The following ATF6 variants were observed in gnomAD, a reference collection of about 807,000 sequenced individuals.
The protein encoded by ATF6 is activating transcription factor 6.
A neutral mutation model predicts 83.6 loss-of-function variants in ATF6; 53 were observed. The ratio of observed to expected loss-of-function variants is 0.63; its 90% CI spans 0.51 to 0.80. The LOEUF is 0.80. Ranked by LOEUF, ATF6 falls within the 30% of genes least tolerant of loss-of-function variation. The pLI is 0.00. For synonymous variants in ATF6, 288 were observed against 285.8 expected (o/e 1.01, Z -0.08); for missense variants, 744 against 797.9 (o/e 0.93, Z 0.81).
rs1455891762 is a variant in ATF6, at chr1:161,963,834, T to A, written c.*5180T>A. On this transcript the variant is annotated 3_prime_UTR_variant, in exon 16 of 16. Transcript: ENST00000367942. Reference sequence around the variant, plus strand: ...GCTTCATCCATGGAGCCATTAGAACTGAGGGGGGAGTGTTAGAGATGCCAT... The same window carrying A: ...GCTTCATCCATGGAGCCATTAGAACAGAGGGGGGAGTGTTAGAGATGCCAT... The A allele has an allele frequency of 6.6e-6, 1 of 152,134 alleles. No homozygotes were observed. Among genetic ancestry groups the A allele is most frequent in the Admixed American group, 6.5e-5 (1 of 15,272 alleles). The allele number at this position is 152,134 out of a possible 1,614,324, so 9.4% of individuals were successfully genotyped here. A position where few individuals can be genotyped will look rare whatever the true frequency, so the allele number is the denominator to read the frequency against.
intron 1 of ATF6, among the ~76,000 whole-genome samples, chr1:161,777,885 A>G (rs1684554364): frequency 6.6e-6 from 1 of 152,192 alleles, no homozygotes; most frequent in Admixed American, 6.5e-5. Context: ...TACTTTCCAC[A>G]GTTGTCTCCT....
At chr1:161,907,889 G>A (rs994492741) in intron 14 of ATF6, among the ~76,000 whole-genome samples, 1 of 151,980 alleles carries the variant, frequency 6.6e-6, no homozygotes, top group South Asian at 2.1e-4. Context: ...TTCCAGTCTT[G>A]GTTACAGTTA....
intron 15 of ATF6, among the ~76,000 whole-genome samples, chr1:161,936,287 G>A (rs114314826): frequency 0.015 from 1,906 of 128,114 alleles, 46 homozygotes; most frequent in African/African-American, 0.047. Context: ...ACCTACAGAT[G>A]TTTTTCTTTT....
chr1:161,831,956 A>AG (rs1458050972), intron 9 of ATF6, among the ~76,000 whole-genome samples: 25 of 150,990 alleles, frequency 1.7e-4, no homozygotes, highest in South Asian at 1.5e-3. Flanking sequence ...AAAAAAAAAA[A>AG]AGAAAGAAAA....
intron 15 of ATF6, among the ~76,000 whole-genome samples, chr1:161,913,718 CA>C (rs1203709053): frequency 5.3e-5 from 8 of 152,268 alleles, no homozygotes; most frequent in African/African-American, 1.7e-4. Context: ...CATTTTATTA[CA>C]TTCCAAAGAA....
intron 9 of ATF6, among the ~76,000 whole-genome samples, chr1:161,829,189 C>CTTTTTTTTTTTTTTTTTTTTTTTTTT (rs35619050): frequency 4.1e-5 from 3 of 72,588 alleles, no homozygotes; most frequent in African/African-American, 5.4e-5. Context: ...TAATGGGAGA[C>CTTTTTTTTTTTTTTTTTTTTTTTTTT]TTTTTTTTTT....
chr1:161,833,875 G>A (rs1686140464), intron 9 of ATF6, among the ~76,000 whole-genome samples: 1 of 152,162 alleles, frequency 6.6e-6, no homozygotes, highest in South Asian at 2.1e-4. Context: ...AGCAAGGCAG[G>A]CCAACATTCA....
Position 161,792,230 on chromosome 1 carries a change from T to C in ATF6, c.591T>C (p.Ser197=), listed in dbSNP as rs1684899099. The change falls in exon 6 of 16, where the codon AGT becomes AGC. Residue 197 remains serine, a synonymous_variant. Transcript: ENST00000367942. ...CACCCAAGACTCAAACAAACTCCAG[T>C]GTTCCAGCAAAAACCATCATTATTC... is the stretch of plus-strand genomic sequence containing the variant. ...PAAPKTQTNS[S]VPAKTIIIQT... The C allele has an allele frequency of 3.7e-6, 6 of 1,614,160 alleles. No individual in the cohort carries two copies. In the East Asian group the frequency reaches 1.1e-4, roughly 30 times the overall value.
Position 161,766,439 on chromosome 1 carries a change from T to G in ATF6, c.79T>G (p.Trp27Gly), listed in dbSNP as rs1465392104. The stretch of plus-strand genomic sequence containing the variant: ...ACTCTTTCACAGGCTGGATGAAGAT[T>G]GGGGTGAGTGGGATCTGAGAATGTA... ...PGLFHRLDED[W>G]DSALFAELGY... Residue 27 changes from tryptophan to glycine, a missense_variant, in exon 1 of 16, where the codon TGG (tryptophan) becomes GGG (glycine). Transcript: ENST00000367942. 51 of 1,612,618 alleles carry G rather than the reference T, an allele frequency of 3.2e-5. No homozygotes were observed. The highest frequency in any genetic ancestry group is 4.2e-5 in the Non-Finnish European group (49 of 1,179,384).
chr1:161,853,654 G>A (rs969137218), intron 12 of ATF6, among the ~76,000 whole-genome samples: 1 of 152,132 alleles, frequency 6.6e-6, no homozygotes, highest in Non-Finnish European at 1.5e-5. Flanking sequence ...AAATAATACT[G>A]CTTATCTCCT....
chr1:161,868,163 C>CT (rs1157434850), intron 14 of ATF6, among the ~76,000 whole-genome samples: 3 of 151,916 alleles, frequency 2.0e-5, no homozygotes, highest in African/African-American at 4.8e-5. Context: ...CCACTTTAGT[C>CT]TTTTTTTTAC....
chr1:161,901,376 G>T (rs1687782533), intron 14 of ATF6, among the ~76,000 whole-genome samples: 1 of 150,152 alleles, frequency 6.7e-6, no homozygotes, highest in Non-Finnish European at 1.5e-5. Flanking sequence ...AATATCATTA[G>T]CCATTAGTAG....
At chr1:161,902,933 T>TG (rs1324456270) in intron 14 of ATF6, among the ~76,000 whole-genome samples, 1 of 152,280 alleles carries the variant, frequency 6.6e-6, no homozygotes, top group Admixed American at 6.5e-5. Context: ...AGATCTGAAG[T>TG]GGGAGCAGGT....
intron 12 of ATF6, among the ~76,000 whole-genome samples, chr1:161,854,504 C>T (rs182639267): frequency 3.3e-5 from 5 of 152,268 alleles, no homozygotes; most frequent in East Asian, 1.9e-4. Flanking sequence ...TCTGTGTGCT[C>T]GAGAAGAAGA....
intron 7 of ATF6, among the ~76,000 whole-genome samples, chr1:161,819,295 G>C (rs1685692057): frequency 6.6e-6 from 1 of 151,990 alleles, no homozygotes; most frequent in African/African-American, 2.4e-5. Context: ...CCATTTAAGG[G>C]CCAGAGATAC....
At chr1:161,781,130 C>T (rs1467877197) in intron 2 of ATF6, among the ~76,000 whole-genome samples, 1 of 152,122 alleles carries the variant, frequency 6.6e-6, no homozygotes, top group Non-Finnish European at 1.5e-5. Flanking sequence ...CATGAGGACT[C>T]TGAAATTATG....
At chr1:161,856,526 T>G (rs1288489344) in intron 12 of ATF6, among the ~76,000 whole-genome samples, 1 of 152,238 alleles carries the variant, frequency 6.6e-6, no homozygotes, top group African/African-American at 2.4e-5. Flanking sequence ...CAAGTGCATC[T>G]TATTGGCAGA....
chr1:161,881,330 A>G (rs559663027), intron 14 of ATF6, among the ~76,000 whole-genome samples: 2 of 152,200 alleles, frequency 1.3e-5, no homozygotes, highest in African/African-American at 2.4e-5. Flanking sequence ...ATAAGTTCAC[A>G]TGATTGTTGG....
At chr1:161,821,358 A>G (rs1307356767) in intron 9 of ATF6, among the ~76,000 whole-genome samples, 197 bp downstream of exon 9, 1 of 152,192 alleles carries the variant, frequency 6.6e-6, no homozygotes, top group Non-Finnish European at 1.5e-5. Context: ...ACTATGGTAT[A>G]ATGTGATGAA....
Sources: gnomAD v4.1 joint callset for allele counts (sites outside exome capture counted in the v4.1 genomes callset) on GRCh38, gnomAD v4.1.1 for gene constraint, MANE v1.5 for transcripts, NCBI Gene and HGNC (gene_info 2026-07-23, HGNC 2026-07-21) for gene names.